The following LPGAT1 variants were observed in gnomAD, a reference collection of about 807,000 sequenced individuals.
The protein encoded by LPGAT1 is acyl-CoA:lysophosphatidylglycerol acyltransferase 1.
LPGAT1 carries 11 observed loss-of-function variants against 47.5 expected under a neutral mutation model. The ratio of observed to expected loss-of-function variants is 0.23; its 90% confidence interval spans 0.15 to 0.38. LPGAT1 has a LOEUF of 0.38. LPGAT1 is among the 10% of genes least tolerant of loss of function. LPGAT1 has a pLI of 1.00. For missense variants in LPGAT1, 293 were observed against 439.0 expected, an observed-to-expected ratio of 0.67 and a Z score of 2.97; for synonymous variants, 138 against 144.2, an observed-to-expected ratio of 0.96 and a Z score of 0.31.
intron 6 of LPGAT1, among the ~76,000 whole-genome samples, chr1:211,772,741 G>GT (rs984403402): frequency 6.6e-6 from 1 of 152,190 alleles, no homozygotes; most frequent in Admixed American, 6.5e-5. Context: ...GGGGTGTGAT[G>GT]TGCACATGAG....
At chr1:211,771,985 A>G (rs899470074) in intron 6 of LPGAT1, among the ~76,000 whole-genome samples, 1 of 152,134 alleles carries the variant, frequency 6.6e-6, no homozygotes, top group African/African-American at 2.4e-5. Flanking sequence ...TGCCCAGGCT[A>G]GCCTCAAACC....
rs903181545 is a variant in LPGAT1, at chr1:211,772,279, C to T, written c.854+6639G>A. ...TCTAGACCTGAACTTTCTAATCTCTCCATTGATGTGGACTTCCTCCTATAA... is the reference window on the plus strand; with the variant it reads ...TCTAGACCTGAACTTTCTAATCTCTTCATTGATGTGGACTTCCTCCTATAA... On this transcript the variant is annotated intron_variant, in intron 6 of 7. Coordinates refer to ENST00000366997, the MANE Select transcript of LPGAT1 (RefSeq NM_014873.3). 4.5e-4 allele frequency among the ~76,000 whole-genome samples: 68 copies of T among 152,156 alleles called. 1 individual carries two copies. The highest frequency in any genetic ancestry group is 1.6e-3 in the African/African-American group (67 of 41,440).
intron 3 of LPGAT1, among the ~76,000 whole-genome samples, chr1:211,789,043 T>C (rs1659003269): frequency 6.6e-6 from 1 of 152,232 alleles, no homozygotes; most frequent in Non-Finnish European, 1.5e-5. Context: ...ATTAAATCTT[T>C]TTTTAAAAAT....
chr1:211,754,939 A>C (rs1657374120), intron 6 of LPGAT1, among the ~76,000 whole-genome samples: 1 of 150,834 alleles, frequency 6.6e-6, no homozygotes, highest in Admixed American at 6.6e-5. Context: ...GCTTGAACCC[A>C]GGAGGTGGAG....
At chr1:211,829,576 C>A in intron 1 of LPGAT1, 1 of 1,303,324 alleles carries the variant, frequency 7.7e-7, no homozygotes, top group South Asian at 1.8e-5. Context: ...AATGATAACA[C>A]AATTCCCATT....
rs375308204 is a variant in LPGAT1 at position 211,752,698 on chromosome 1, C to A, written c.855-1631G>T. On this transcript the variant is annotated intron_variant, in intron 6 of 7. Coordinates refer to ENST00000366997, the MANE Select transcript of LPGAT1 (RefSeq NM_014873.3). ...CAGATCACTGTAACTATGCATTAAA[C>A]CTTATGTAGAAAGGTGTTGAAATTT... is the stretch of plus-strand genomic sequence containing the variant. 6.9e-4 allele frequency among the ~76,000 whole-genome samples: 105 copies of A among 152,162 alleles called. No homozygotes were observed. In the South Asian group the frequency reaches 0.021, roughly 31 times the overall value.
chr1:211,807,600 T>C (rs1013545191), intron 2 of LPGAT1, among the ~76,000 whole-genome samples: 2 of 152,074 alleles, frequency 1.3e-5, no homozygotes, highest in Non-Finnish European at 2.9e-5. Flanking sequence ...TGAAATAGAC[T>C]ACGTAAGTAT....
At chr1:211,806,665 T>G (rs1399564596) in intron 2 of LPGAT1, among the ~76,000 whole-genome samples, 1 of 152,126 alleles carries the variant, frequency 6.6e-6, no homozygotes, top group Non-Finnish European at 1.5e-5. Flanking sequence ...GAATCAAAAA[T>G]TTAACAAATA....
At chr1:211,783,171 G>A in intron 5 of LPGAT1, 58 bp downstream of exon 5, 1 of 1,424,368 alleles carries the variant, frequency 7.0e-7, no homozygotes, top group Non-Finnish European at 9.5e-7. Context: ...ATCATCTTCT[G>A]TAACTCCAGA....
At chr1:211,826,930 A>G (rs1377932487) in intron 2 of LPGAT1, among the ~76,000 whole-genome samples, 1 of 152,214 alleles carries the variant, frequency 6.6e-6, no homozygotes, top group Admixed American at 6.5e-5. Context: ...GAAGTGAAAT[A>G]TATTATCTAA....
chr1:211,788,302 T>C (rs1455103584), intron 3 of LPGAT1, among the ~76,000 whole-genome samples: 1 of 152,204 alleles, frequency 6.6e-6, no homozygotes, highest in Non-Finnish European at 1.5e-5. Flanking sequence ...AGTGCCTCAG[T>C]CCTTAAACAG....
In LPGAT1 at chr1:211,787,758, G is replaced by A. The variant is rs749994316; in HGVS notation, c.358-31C>T. On this transcript the variant is annotated intron_variant, in intron 3 of 7. Transcript: ENST00000366997. Reference sequence around the variant, plus strand: ...ATATTTAAAAGCAAGAAATAATATTGGATAGAAGAAACCTGACTATAGTTG... The same window carrying A: ...ATATTTAAAAGCAAGAAATAATATTAGATAGAAGAAACCTGACTATAGTTG... 29 of 1,379,092 alleles carry A rather than the reference G, an allele frequency of 2.1e-5. No homozygotes were observed. The South Asian group carries it at 3.1e-4, about 15-fold the overall frequency. The allele number at this position is 1,379,092 out of a possible 1,614,324, so 85.4% of individuals were successfully genotyped here.
chr1:211,764,454 T>G (rs908693789), intron 6 of LPGAT1, among the ~76,000 whole-genome samples: 1 of 152,204 alleles, frequency 6.6e-6, no homozygotes, highest in African/African-American at 2.4e-5. Flanking sequence ...CCAGGGTTAG[T>G]GTGGCAACAA....
At chr1:211,829,659 C>T in intron 1 of LPGAT1, 1 of 1,075,592 alleles carries the variant, frequency 9.3e-7, no homozygotes, top group Non-Finnish European at 1.1e-6. Context: ...TAGATCCACT[C>T]GCTTCAGACA....
At chr1:211,819,083 T>C (rs571422171) in intron 2 of LPGAT1, among the ~76,000 whole-genome samples, 8 of 152,338 alleles carry the variant, frequency 5.3e-5, no homozygotes, top group Admixed American at 1.3e-4. Context: ...GTTGTACTTT[T>C]TGGTATGGAC....
intron 2 of LPGAT1, among the ~76,000 whole-genome samples, chr1:211,817,933 C>T (rs1428632997): frequency 1.3e-5 from 2 of 152,100 alleles, no homozygotes; most frequent in Non-Finnish European, 2.9e-5. Flanking sequence ...CTCCTGGGTT[C>T]AAGCAATTCT....
chr1:211,806,429 C>T (rs772506065), intron 2 of LPGAT1, among the ~76,000 whole-genome samples: 2 of 151,508 alleles, frequency 1.3e-5, no homozygotes, highest in African/African-American at 2.4e-5. Context: ...AACAGAAAAT[C>T]AAATACCGCA....
Position 211,744,778 on chromosome 1 carries a change from C to A in LPGAT1, c.*5121G>T, listed in dbSNP as rs1438121792. The A allele has an allele frequency of 6.6e-6, 1 of 151,236 alleles. No homozygotes were observed. The highest frequency in any genetic ancestry group is 1.9e-4 in the East Asian group (1 of 5,192). 9.4% of individuals were successfully genotyped at this position (151,236 alleles called of 1,614,324 possible). ...CTGCTAAACATTTACCAGCACACCA[C>A]TGGATTGGGAGAATGGGGAGAAAGG... On this transcript the variant is annotated 3_prime_UTR_variant, in exon 8 of 8. Coordinates refer to ENST00000366997, the MANE Select transcript of LPGAT1 (RefSeq NM_014873.3).
chr1:211,755,122 G>A (rs1365191623), intron 6 of LPGAT1, among the ~76,000 whole-genome samples: 3 of 148,944 alleles, frequency 2.0e-5, no homozygotes, highest in African/African-American at 5.0e-5. Flanking sequence ...TGGATCACGA[G>A]GTCAGGAGAT....
Sources: allele counts gnomAD v4.1 joint callset (sites outside exome capture counted in the v4.1 genomes callset), GRCh38; gene constraint gnomAD v4.1.1; transcripts MANE v1.5; gene names NCBI Gene and HGNC (gene_info 2026-07-23, HGNC 2026-07-21).